The following SHROOM3 variants were observed in gnomAD, a reference collection of about 807,000 sequenced individuals.
The protein encoded by SHROOM3 is shroom family member 3.
SHROOM3 carries 47 observed loss-of-function variants against 138.6 expected under a neutral mutation model. The observed-to-expected ratio is 0.34, with a 90% CI of 0.27 to 0.43. The LOEUF is 0.43. SHROOM3 is among the 20% of genes least tolerant of loss of function. SHROOM3 has a pLI of 1.00. For synonymous variants in SHROOM3, 1,062 were observed against 1,063.3 expected, an observed-to-expected ratio of 1.00 and a Z score of 0.02; for missense variants, 2,491 against 2,596.5, an observed-to-expected ratio of 0.96 and a Z score of 0.88.
chr4:76,670,398 G>A lies in SHROOM3; in HGVS notation c.324-39758G>A, dbSNP rs547487232. 2.0e-5 allele frequency among the ~76,000 whole-genome samples: 3 copies of A among 152,216 alleles called. No individual in the cohort carries two copies. In the South Asian group the frequency reaches 6.2e-4, roughly 32 times the overall value. ...AATATCTAGAAAAGGAAAATCTATA[G>A]AGACAAAAAGGAGATCAGTGATGCC... On this transcript the variant is annotated intron_variant, in intron 2 of 10. Coordinates refer to ENST00000296043, the MANE Select transcript of SHROOM3 (RefSeq NM_020859.4).
rs564217646 is a variant in SHROOM3 at position 76,583,523 on chromosome 4, C to T, written c.323+27760C>T. ...CCCATTTCAGAGGAGAGAAAACTGA[C>T]GCTTGGAAAAGCTGAATAATTTGCC... On this transcript the variant is annotated intron_variant, in intron 2 of 10. Coordinates refer to ENST00000296043, the MANE Select transcript of SHROOM3 (RefSeq NM_020859.4). Among the ~76,000 whole-genome samples the T allele has an allele frequency of 1.7e-4, 26 of 152,290 alleles. No individual in the cohort carries two copies. In the South Asian group the frequency reaches 3.7e-3, roughly 22 times the overall value.
chr4:76,739,018 G>A lies in SHROOM3; in HGVS notation c.845G>A (p.Arg282His), dbSNP rs759433745. 4.6e-5 allele frequency: 74 copies of A among 1,614,088 alleles called. No individual in the cohort carries two copies. Among genetic ancestry groups the A allele is most frequent in the Non-Finnish European group, 4.6e-5 (54 of 1,180,038 alleles). Residue 282 changes from arginine (R) to histidine (H), a missense_variant, in exon 5 of 11, where the codon CGT becomes CAT. Physicochemically the swap from Arg to His is conservative, Grantham distance 29. This residue lies in a region of SHROOM3 where 1,733 missense variants were observed against 1,661.6 expected (regional missense o/e 1.04). Transcript: ENST00000296043. ...YPHPGISGRERSGSMDNTSAR... is the reference protein window; with the variant it reads ...YPHPGISGREHSGSMDNTSAR... ...CACCCTGGCATCTCTGGCCGGGAGCGTTCAGGCTCCATGGACAATACTTCT... is the reference window on the plus strand; with the variant it reads ...CACCCTGGCATCTCTGGCCGGGAGCATTCAGGCTCCATGGACAATACTTCT...
chr4:76,667,905 T>C (rs1465219263), intron 2 of SHROOM3, among the ~76,000 whole-genome samples: 2 of 134,750 alleles, frequency 1.5e-5, no homozygotes, highest in African/African-American at 5.7e-5. Flanking sequence ...GAGGCGGAGG[T>C]TGCAGTGAGC....
Position 76,613,761 on chromosome 4 carries a change from T to A in SHROOM3, c.323+57998T>A, listed in dbSNP as rs201777443. On this transcript the variant is annotated intron_variant, in intron 2 of 10. Transcript: ENST00000296043. ...GCTGGGGGATAGCTGGTCACTCAGC[T>A]ACAGCTTTTTATTGGCCATGCTGCA... Among the ~76,000 whole-genome samples, 6 of 152,332 alleles carry A rather than the reference T, an allele frequency of 3.9e-5. No homozygotes were observed. In the East Asian group the frequency reaches 1.2e-3, roughly 29 times the overall value.
intron 2 of SHROOM3, among the ~76,000 whole-genome samples, chr4:76,606,466 T>C (rs1463723368): frequency 6.6e-6 from 1 of 151,958 alleles, no homozygotes; most frequent in African/African-American, 2.4e-5. Flanking sequence ...TCCCAGCACT[T>C]TGGGAGGCGG....
At chr4:76,688,657 C>T in intron 2 of SHROOM3, 1 of 985,400 alleles carries the variant, frequency 1.0e-6, no homozygotes, top group Non-Finnish European at 1.2e-6. Flanking sequence ...CTTAAACTAG[C>T]ACCATCCCTT....
intron 2 of SHROOM3, among the ~76,000 whole-genome samples, chr4:76,592,467 G>A (rs1193609230): frequency 2.0e-5 from 3 of 152,226 alleles, no homozygotes; most frequent in East Asian, 3.8e-4. Context: ...AGGATGGAAT[G>A]ATGTGAGCAC....
At chr4:76,572,612 A>G (rs1354899332) in intron 2 of SHROOM3, among the ~76,000 whole-genome samples, 1 of 152,210 alleles carries the variant, frequency 6.6e-6, no homozygotes, top group African/African-American at 2.4e-5. Context: ...TTCTAGGGAT[A>G]TTGTGATCGT....
chr4:76,595,988 G>A (rs986928500), intron 2 of SHROOM3, among the ~76,000 whole-genome samples: 1 of 152,158 alleles, frequency 6.6e-6, no homozygotes, highest in Non-Finnish European at 1.5e-5. Context: ...GTTGTTTTCT[G>A]TGTACTTTAC....
At chr4:76,571,450 C>T (rs1248177403) in intron 2 of SHROOM3, among the ~76,000 whole-genome samples, 1 of 152,218 alleles carries the variant, frequency 6.6e-6, no homozygotes, top group Non-Finnish European at 1.5e-5. Context: ...TTTGTTTTCC[C>T]AGCAGTGTTG....
rs1397502781 is a variant in SHROOM3 at position 76,741,106 on chromosome 4, C to T, written c.2933C>T (p.Ser978Phe). Residue 978 changes from serine to phenylalanine, a missense_variant, in exon 5 of 11, where the codon TCC becomes TTC. Physicochemically the swap from Ser to Phe is radical, Grantham distance 155 (BLOSUM62 -2). Transcript: ENST00000296043. This position sits in a 1 kb window ranked among gnomAD's most constrained non-coding sequence, Gnocchi z 6.2. Reference protein sequence around the residue: ...LRSPEASASASPHTPRERHSV... With the variant: ...LRSPEASASAFPHTPRERHSV... ...AGCCCCGAGGCGTCGGCCTCCGCCT[C>T]CCCGCACACGCCCCGGGAGCGGCAC... 1.3e-5 allele frequency: 20 copies of T among 1,548,974 alleles called. No homozygotes were observed. Among genetic ancestry groups the T allele is most frequent in the Middle Eastern group, 1.7e-4 (1 of 5,776 alleles).
intron 1 of SHROOM3, among the ~76,000 whole-genome samples, chr4:76,528,541 T>G (rs1273263513): frequency 1.1e-5 from 1 of 94,296 alleles, no homozygotes; most frequent in Non-Finnish European, 2.0e-5. Flanking sequence ...TTTATCTTTC[T>G]TTCTTTCTTT....
intron 1 of SHROOM3, among the ~76,000 whole-genome samples, chr4:76,478,179 G>A (rs1236049402): frequency 6.6e-6 from 1 of 152,212 alleles, no homozygotes; most frequent in Non-Finnish European, 1.5e-5. Flanking sequence ...AAGTAGTCTA[G>A]TTCAGCAGAT....
chr4:76,621,180 A>T (rs1270150125), intron 2 of SHROOM3, among the ~76,000 whole-genome samples: 3 of 152,026 alleles, frequency 2.0e-5, no homozygotes, highest in Non-Finnish European at 4.4e-5. Context: ...CCTGTCAGTC[A>T]AGGGCAGAGT....
chr4:76,736,360 A>T (rs1286104185), intron 4 of SHROOM3, among the ~76,000 whole-genome samples: 2 of 152,130 alleles, frequency 1.3e-5, no homozygotes, highest in African/African-American at 4.8e-5. Flanking sequence ...CCGAAGTAGG[A>T]TGCGCCATTC....
At chr4:76,453,740 G>A (rs1730973460) in intron 1 of SHROOM3, among the ~76,000 whole-genome samples, 2 of 151,960 alleles carry the variant, frequency 1.3e-5, no homozygotes, top group Admixed American at 6.6e-5. Flanking sequence ...TTTGCTTTTG[G>A]TTGTTGTATT....
intron 2 of SHROOM3, among the ~76,000 whole-genome samples, chr4:76,579,285 G>C (rs774280426): frequency 6.6e-6 from 1 of 152,080 alleles, no homozygotes; most frequent in Non-Finnish European, 1.5e-5. Flanking sequence ...TGGCTAACAC[G>C]GTGAAACCCT....
intron 2 of SHROOM3, among the ~76,000 whole-genome samples, chr4:76,699,871 G>A (rs1300184565): frequency 6.6e-6 from 1 of 152,162 alleles, no homozygotes; most frequent in Non-Finnish European, 1.5e-5. Flanking sequence ...GATGCAGGAT[G>A]TTAGCCCTTT....
At chr4:76,631,207 T>TTTC in intron 2 of SHROOM3, among the ~76,000 whole-genome samples, 1 of 88,118 alleles carries the variant, frequency 1.1e-5, no homozygotes, top group South Asian at 5.1e-4. Flanking sequence ...TTTAATCTTT[T>TTTC]TTTTTTTTTT....
Sources: allele counts gnomAD v4.1 joint callset (sites outside exome capture counted in the v4.1 genomes callset), GRCh38; gene constraint gnomAD v4.1.1; regional missense constraint gnomAD v4.1.1; non-coding constraint Gnocchi (gnomAD v3.1); transcripts MANE v1.5; gene names NCBI Gene and HGNC (gene_info 2026-07-23, HGNC 2026-07-21).